EP300: variants seen among roughly 807,000 people sequenced by gnomAD.
EP300 encodes histone acetyltransferase p300.
EP300 carries 31 observed loss-of-function variants against 264.0 expected under a neutral mutation model. That is an observed-to-expected ratio of 0.12 (90% CI 0.09 to 0.16). EP300 has a LOEUF of 0.16. EP300 is among the 10% of genes least tolerant of loss of function. EP300 has a pLI of 1.00. For synonymous variants in EP300, 1,340 were observed against 1,045.4 expected (o/e 1.28, Z -5.44); for missense variants, 2,766 against 3,052.9 (o/e 0.91, Z 2.21).
At chr22:41,099,763 T>TA (rs1434359992) in intron 1 of EP300, among the ~76,000 whole-genome samples, 3 of 152,208 alleles carry the variant, frequency 2.0e-5, no homozygotes, top group Non-Finnish European at 4.4e-5. Context: ...AAGGGTTACT[T>TA]AAAACTCAAG....
intron 2 of EP300, among the ~76,000 whole-genome samples, chr22:41,121,829 G>A (rs1601601084): frequency 6.6e-6 from 1 of 152,116 alleles, no homozygotes. Context: ...ACTCTTGAGG[G>A]CATAATTTAT....
chr22:41,108,641 CA>C (rs140652493), intron 1 of EP300, among the ~76,000 whole-genome samples: 7 of 147,440 alleles, frequency 4.7e-5, no homozygotes, highest in Admixed American at 1.4e-4. Context: ...GAAGAAACTT[CA>C]AAAAAAAAAT....
At chr22:41,116,381 G>T (rs1211100716) in intron 1 of EP300, among the ~76,000 whole-genome samples, 1 of 151,944 alleles carries the variant, frequency 6.6e-6, no homozygotes, top group Admixed American at 6.6e-5. Context: ...CCATCCCCCA[G>T]CAGGCCCTGG....
In EP300 at chr22:41,151,838, C is replaced by A. The variant is rs768633606; in HGVS notation, c.2823C>A (p.Ser941=). The part of the protein sequence containing the change: ...LLPPQPATPL[S]QPAVSIEGQV... ...TCCCTTTTTTTTCTGCCCAGCTTTC[C>A]CAGCCAGCTGTAAGCATTGAAGGAC... Residue 941 remains serine (S), a synonymous_variant, in exon 15 of 31, where the codon TCC becomes TCA. Transcript: ENST00000263253. 6.2e-7 allele frequency: 1 copy of A among 1,614,072 alleles called. No homozygotes were observed. The highest frequency in any genetic ancestry group is 8.5e-7 in the Non-Finnish European group (1 of 1,180,006).
chr22:41,158,655 T>G (rs932864341), intron 19 of EP300, 155 bp downstream of exon 19: 1 of 660,488 alleles, frequency 1.5e-6, no homozygotes, highest in Non-Finnish European at 2.7e-6. Flanking sequence ...TGCCTTTGTT[T>G]GCAGAACAAT....
intron 20 of EP300, 24 bp from the exon 21 acceptor site, chr22:41,162,697 TCA>T (rs2059114378): frequency 1.3e-6 from 2 of 1,585,882 alleles, no homozygotes; most frequent in Non-Finnish European, 1.7e-6. Context: ...TCACTTTTTC[TCA>T]TTGTGTCCCT....
intron 2 of EP300, among the ~76,000 whole-genome samples, chr22:41,120,021 C>T (rs1307415606): frequency 6.6e-6 from 1 of 152,030 alleles, no homozygotes; most frequent in Non-Finnish European, 1.5e-5. Flanking sequence ...ACCATGTTGC[C>T]CAGGCTCGTT....
intron 16 of EP300, among the ~76,000 whole-genome samples, chr22:41,153,096 G>A (rs922712719): frequency 2.0e-5 from 3 of 152,140 alleles, no homozygotes; most frequent in Non-Finnish European, 4.4e-5. Context: ...TTATTGGCCT[G>A]AAGCTTAGCA....
intron 29 of EP300, among the ~76,000 whole-genome samples, chr22:41,175,728 G>T (rs759234576): frequency 6.6e-6 from 1 of 152,218 alleles, no homozygotes; most frequent in Non-Finnish European, 1.5e-5. Flanking sequence ...CTGCCTTGAG[G>T]CAAAATGTCC....
intron 23 of EP300, among the ~76,000 whole-genome samples, chr22:41,167,694 G>A (rs2059146439): frequency 7.2e-6 from 1 of 138,996 alleles, no homozygotes; most frequent in Non-Finnish European, 1.5e-5. Context: ...GTGTTGTCCA[G>A]GCTGATCTTG....
chr22:41,126,013 A>C lies in EP300; in HGVS notation c.879A>C (p.Ala293=). The C allele has an allele frequency of 6.2e-7, 1 of 1,614,216 alleles. No homozygotes were observed. The highest frequency in any genetic ancestry group is 1.1e-5 in the South Asian group (1 of 91,086). Reference sequence around the variant, plus strand: ...CTCCATTTGCTATGGACAAAAAGGCAGTTCCTGGTGGAGGAATGCCCAACA... The same window carrying C: ...CTCCATTTGCTATGGACAAAAAGGCCGTTCCTGGTGGAGGAATGCCCAACA... The part of the protein sequence containing the change: ...NLSPFAMDKK[A]VPGGGMPNMG... The change falls in exon 3 of 31, where the codon GCA becomes GCC. Residue 293 remains alanine, a synonymous_variant. Coordinates refer to ENST00000263253, the MANE Select transcript of EP300 (RefSeq NM_001429.4).
intron 23 of EP300, among the ~76,000 whole-genome samples, chr22:41,167,586 A>ATATG (rs2059144163): frequency 1.9e-4 from 1 of 5,232 alleles, no homozygotes; most frequent in South Asian, 0.012. Context: ...GTGTGTGTGT[A>ATATG]TATATATATA....
rs772765018 is a variant in EP300, at chr22:41,158,648, CTTTG to C, written c.3590+153_3590+156del. On this transcript the variant is annotated intron_variant, in intron 19 of 30. Coordinates refer to ENST00000263253, the MANE Select transcript of EP300 (RefSeq NM_001429.4). ...ACAAGTTCTGTTTTTTGCCTTCTGCCTTTGTTTGCAGAACAATAAAATTTTCTAT... is the reference window on the plus strand; with the variant it reads ...ACAAGTTCTGTTTTTTGCCTTCTGCCTTTGCAGAACAATAAAATTTTCTAT... 4.5e-4 allele frequency: 313 copies of C among 688,018 alleles called. 2 individuals are homozygous for C. The highest frequency in any genetic ancestry group is 2.3e-3 in the South Asian group (145 of 63,728). 42.6% of individuals were successfully genotyped at this position (688,018 alleles called of 1,614,324 possible).
intron 29 of EP300, 182 bp from the exon 30 acceptor site, chr22:41,176,065 C>G (rs2059198605): frequency 1.5e-6 from 1 of 682,874 alleles, no homozygotes; most frequent in Non-Finnish European, 2.5e-6. Flanking sequence ...ACAAAAAATG[C>G]AGAAATTAGC....
In EP300 at chr22:41,176,224, AAAAG is replaced by A. The variant is rs2059199595; in HGVS notation, c.4780-21_4780-18del. 4 of 1,614,040 alleles carry A rather than the reference AAAAG, an allele frequency of 2.5e-6. No homozygotes were observed. The highest frequency in any genetic ancestry group is 3.4e-6 in the Non-Finnish European group (4 of 1,179,982). On this transcript the variant is annotated intron_variant, in intron 29 of 30. Transcript: ENST00000263253. Reference sequence around the variant, plus strand: ...GACAGAGCGAGGCCCTGTCTCAAAAAAAAGAGACTGTCTGTTTTTCAGGTCTTCT... The same window carrying A: ...GACAGAGCGAGGCCCTGTCTCAAAAAAGACTGTCTGTTTTTCAGGTCTTCT...
chr22:41,176,094 C>A, intron 29 of EP300, 153 bp from the exon 30 acceptor site: 1 of 818,882 alleles, frequency 1.2e-6, no homozygotes, highest in South Asian at 1.6e-5. Flanking sequence ...GTGGTGTGGG[C>A]CTGTGGTCTC....
At chr22:41,142,197 C>A (rs1341197203) in intron 10 of EP300, among the ~76,000 whole-genome samples, 1 of 152,190 alleles carries the variant, frequency 6.6e-6, no homozygotes, top group Admixed American at 6.5e-5. Flanking sequence ...ATAGGAAAAA[C>A]CTGCATTTAC....
chr22:41,166,619 T>C lies in EP300; in HGVS notation c.3827T>C (p.Leu1276Ser), dbSNP rs1375932118. The change falls in exon 23 of 31, where the codon TTA (leucine) becomes TCA (serine). Residue 1276 changes from leucine to serine, a missense_variant. Transcript: ENST00000263253. ...TTTAGATTCGTCTGTGATGGCTGTT[T>C]AAAGAAAAGTGCACGAACTAGGAAA... ...WPAGFVCDGC[L>S]KKSARTRKEN... 2 of 1,613,222 alleles carry C rather than the reference T, an allele frequency of 1.2e-6. No individual in the cohort carries two copies. Among genetic ancestry groups the C allele is most frequent in the African/African-American group, 1.3e-5 (1 of 74,924 alleles).
rs577442886 is a variant in EP300 at position 41,102,266 on chromosome 22, G to A, written c.94+9168G>A. On this transcript the variant is annotated intron_variant, in intron 1 of 30. Transcript: ENST00000263253. The stretch of plus-strand genomic sequence containing the variant: ...AGAAGACTGGCATTCACGGAGTCTG[G>A]TGTGATCAGCATTGTATTTGGGAAG... Among the ~76,000 whole-genome samples, 6 of 152,244 alleles carry A rather than the reference G, an allele frequency of 3.9e-5. No individual in the cohort carries two copies. The South Asian group carries it at 1.2e-3, about 32-fold the overall frequency.
Sources: gnomAD v4.1 joint callset for allele counts (sites outside exome capture counted in the v4.1 genomes callset) on GRCh38, gnomAD v4.1.1 for gene constraint, MANE v1.5 for transcripts, NCBI Gene and HGNC (gene_info 2026-07-23, HGNC 2026-07-21) for gene names.